Variants in WWOX observed in about 807,000 individuals in gnomAD.
WWOX encodes WW domain containing oxidoreductase, also known as WW domain-containing oxidoreductase.
A neutral mutation model predicts 46.2 loss-of-function variants in WWOX; 69 were observed. The ratio of observed to expected loss-of-function variants is 1.49; its 90% CI spans 1.23 to 1.82. The LOEUF is 1.82. Among genes scored for constraint, WWOX ranks in the 40% most tolerant of loss-of-function variants. The pLI, the probability that WWOX is intolerant of heterozygous loss-of-function variation, is 0.00. For missense variants in WWOX, 919 were observed against 542.6 expected, an observed-to-expected ratio of 1.69 and a Z score of -6.89; for synonymous variants, 359 against 202.6, an observed-to-expected ratio of 1.77 and a Z score of -6.56.
At chr16:78,653,952 G>T (rs1210792716) in intron 8 of WWOX, among the ~76,000 whole-genome samples, 1 of 152,196 alleles carries the variant, frequency 6.6e-6, no homozygotes, top group Non-Finnish European at 1.5e-5. Context: ...TCACACTGCA[G>T]ATATTCTTAC....
chr16:79,109,408 G>C (rs1287036235), intron 8 of WWOX, among the ~76,000 whole-genome samples: 1 of 152,120 alleles, frequency 6.6e-6, no homozygotes, highest in Admixed American at 6.5e-5. Flanking sequence ...ATCAAGTAGC[G>C]GTGATAGGTT....
intron 8 of WWOX, among the ~76,000 whole-genome samples, chr16:78,889,194 G>T (rs537167147): frequency 6.6e-6 from 1 of 152,272 alleles, no homozygotes; most frequent in South Asian, 2.1e-4. Flanking sequence ...ATTGGCAAAT[G>T]ACAGTCATTT....
chr16:78,713,089 G>T (rs1030376499), intron 8 of WWOX, among the ~76,000 whole-genome samples: 2 of 151,756 alleles, frequency 1.3e-5, no homozygotes, highest in African/African-American at 4.8e-5. Context: ...GGGTAACATA[G>T]GGAGACCCTC....
Position 78,601,987 on chromosome 16 carries a change from TAG to T in WWOX, c.1056+169238_1056+169239del, listed in dbSNP as rs755019317. On this transcript the variant is annotated intron_variant, in intron 8 of 8. Coordinates refer to ENST00000566780, the MANE Select transcript of WWOX (RefSeq NM_016373.4). The stretch of plus-strand genomic sequence containing the variant: ...GCAGTGTCTGTCTAACAATAAATTA[TAG>T]AGTCAGGCAAACAATGGTTTCGTAT... 1.1e-4 allele frequency among the ~76,000 whole-genome samples: 17 copies of T among 152,350 alleles called. No homozygotes were observed. In the East Asian group the frequency reaches 2.9e-3, roughly 26 times the overall value.
intron 8 of WWOX, among the ~76,000 whole-genome samples, chr16:78,626,153 T>C (rs1189114609): frequency 6.6e-6 from 1 of 151,904 alleles, no homozygotes; most frequent in Non-Finnish European, 1.5e-5. Flanking sequence ...CTTTTTGAGA[T>C]GGAGTCTGGC....
At chr16:78,952,387 T>TG in intron 8 of WWOX, among the ~76,000 whole-genome samples, 1 of 151,306 alleles carries the variant, frequency 6.6e-6, no homozygotes, top group Non-Finnish European at 1.5e-5. Flanking sequence ...TTTTTGAGTT[T>TG]TTTTTTTTTT....
chr16:78,403,849 C>T (rs2082467756), intron 6 of WWOX, among the ~76,000 whole-genome samples: 2 of 152,280 alleles, frequency 1.3e-5, no homozygotes, highest in South Asian at 4.2e-4. Context: ...ACTTCTTAGC[C>T]ATGGATGTGT....
At chr16:79,122,491 CCTTT>C (rs925759013) in intron 8 of WWOX, among the ~76,000 whole-genome samples, 91 of 151,998 alleles carry the variant, frequency 6.0e-4, no homozygotes, top group Middle Eastern at 3.4e-3. Flanking sequence ...CTTGCTATTT[CCTTT>C]CTTTCTTTTT....
intron 8 of WWOX, among the ~76,000 whole-genome samples, chr16:78,979,098 TTC>T (rs2046630131): frequency 2.0e-5 from 3 of 151,604 alleles, no homozygotes; most frequent in African/African-American, 7.3e-5. Flanking sequence ...TTTTTTTTTT[TTC>T]CCTATACAGA....
intron 6 of WWOX, among the ~76,000 whole-genome samples, chr16:78,416,733 A>G (rs539488731): frequency 6.6e-6 from 1 of 152,372 alleles, no homozygotes; most frequent in African/African-American, 2.4e-5. Flanking sequence ...TGCAGAAACT[A>G]TCTTTGAGGA....
chr16:78,679,940 T>G (rs1431223338), intron 8 of WWOX, among the ~76,000 whole-genome samples: 1 of 152,188 alleles, frequency 6.6e-6, no homozygotes, highest in Non-Finnish European at 1.5e-5. Context: ...CTTTTGTGCC[T>G]TGCAAATCCT....
chr16:78,612,767 C>T (rs1282738497), intron 8 of WWOX, among the ~76,000 whole-genome samples: 2 of 152,102 alleles, frequency 1.3e-5, no homozygotes, highest in Non-Finnish European at 2.9e-5. Context: ...ATGAGCCACC[C>T]CACCCAGCCC....
chr16:78,983,435 C>T (rs2046722017), intron 8 of WWOX, among the ~76,000 whole-genome samples: 2 of 152,118 alleles, frequency 1.3e-5, no homozygotes, highest in Non-Finnish European at 2.9e-5. Flanking sequence ...TGTATTTATC[C>T]ATAAAACTGA....
At chr16:78,882,759 G>C (rs1205757566) in intron 8 of WWOX, among the ~76,000 whole-genome samples, 1 of 151,544 alleles carries the variant, frequency 6.6e-6, no homozygotes, top group African/African-American at 2.4e-5. Context: ...AAAATTCTGG[G>C]ATTACAGGCA....
chr16:79,063,369 A>G (rs146760992), intron 8 of WWOX, among the ~76,000 whole-genome samples: 17 of 152,280 alleles, frequency 1.1e-4, no homozygotes, highest in African/African-American at 3.9e-4. Context: ...TGGCCCCATC[A>G]CATCACAACA....
At chr16:79,036,560 G>C (rs1196880585) in intron 8 of WWOX, among the ~76,000 whole-genome samples, 3 of 152,172 alleles carry the variant, frequency 2.0e-5, no homozygotes, top group Non-Finnish European at 2.9e-5. Context: ...AATTATCGGA[G>C]CTCTTGGCTT....
intron 8 of WWOX, among the ~76,000 whole-genome samples, chr16:78,540,240 G>GAAA (rs543785112): frequency 1.5e-5 from 2 of 136,716 alleles, no homozygotes; most frequent in African/African-American, 2.7e-5. Flanking sequence ...AGGAGCAACA[G>GAAA]AAAAAAAAAA....
At chr16:78,232,085 T>C (rs1255597720) in intron 5 of WWOX, among the ~76,000 whole-genome samples, 2 of 152,166 alleles carry the variant, frequency 1.3e-5, no homozygotes, top group African/African-American at 2.4e-5. Flanking sequence ...AGAGAATATA[T>C]ATAAAATGGT....
intron 8 of WWOX, among the ~76,000 whole-genome samples, chr16:79,105,407 C>G (rs1443356169): frequency 6.6e-6 from 1 of 152,120 alleles, no homozygotes; most frequent in East Asian, 1.9e-4. Flanking sequence ...CGTATTCATA[C>G]CCATATCTAT....
Sources: gnomAD v4.1 joint callset for allele counts (sites outside exome capture counted in the v4.1 genomes callset) on GRCh38, gnomAD v4.1.1 for gene constraint, MANE v1.5 for transcripts, NCBI Gene and HGNC (gene_info 2026-07-23, HGNC 2026-07-21) for gene names.